Variants in MGST2 observed in about 807,000 individuals in gnomAD.
MGST2 encodes the protein glutathione peroxidase MGST2.
MGST2 carries 9 observed loss-of-function variants against 16.6 expected under a neutral mutation model. The observed-to-expected ratio is 0.54, with a 90% confidence interval of 0.33 to 0.95. The LOEUF is 0.95. Ranked by LOEUF, MGST2 falls within the 40% of genes least tolerant of loss-of-function variation. The probability of loss-of-function intolerance (pLI) is 0.03; values close to 1 mark genes in which losing one functional copy is unlikely to be tolerated. For missense variants in MGST2, 159 were observed against 175.1 expected, an observed-to-expected ratio of 0.91 and a Z score of 0.52; for synonymous variants, 79 against 68.0, an observed-to-expected ratio of 1.16 and a Z score of -0.79.
At position 139,667,411 on chromosome 4, in the gene MGST2, A is replaced by G. The variant is rs8192015; in HGVS notation, c.58+1334A>G. On this transcript the variant is annotated intron_variant, in intron 1 of 4. Coordinates refer to ENST00000265498, the MANE Select transcript of MGST2 (RefSeq NM_002413.5). ...GGTCCACAGATGTCCCAAAGCTGAC[A>G]GAGGTGCTCATCCTCCCTGTTTGCT... Among the ~76,000 whole-genome samples, 480 of 143,636 alleles carry G rather than the reference A, an allele frequency of 3.3e-3. 15 individuals carry two copies. The East Asian group carries it at 0.089, about 27-fold the overall frequency. The allele number at this position is 143,636 out of a possible 152,430, so 94.2% of individuals were successfully genotyped here. A position where few individuals can be genotyped will look rare whatever the true frequency, so the allele number is the denominator to read the frequency against.
downstream of MGST2, among the ~76,000 whole-genome samples, chr4:139,745,628 T>C (rs994805736): frequency 2.0e-5 from 3 of 152,224 alleles, no homozygotes; most frequent in African/African-American, 7.2e-5. Context: ...TCTATTATTG[T>C]GCTCTGCCCA....
intron 3 of MGST2, chr4:139,698,387 C>A (rs1052491084): frequency 1.2e-5 from 19 of 1,599,792 alleles, no homozygotes; most frequent in Non-Finnish European, 1.5e-5. Flanking sequence ...CAGTGGACTT[C>A]TGATAACGTC....
intron 5 of MGST2, among the ~76,000 whole-genome samples, chr4:139,714,775 GC>G (rs35836013): frequency 0.061 from 9,259 of 152,132 alleles, 393 homozygotes; most frequent in East Asian, 0.098. Context: ...GATCAGGGAG[GC>G]CAGAGAAAGA....
At chr4:139,694,817 A>G (rs1377469306) in intron 2 of MGST2, among the ~76,000 whole-genome samples, 1 of 152,240 alleles carries the variant, frequency 6.6e-6, no homozygotes, top group Non-Finnish European at 1.5e-5. Flanking sequence ...TGTTCTGGGT[A>G]ACTCAAGTGG....
intron 2 of MGST2, among the ~76,000 whole-genome samples, chr4:139,684,712 T>C (rs969327032): frequency 1.2e-3 from 185 of 152,264 alleles, no homozygotes; most frequent in East Asian, 3.9e-4. Flanking sequence ...GGGGTGGAGA[T>C]AGGATAATAG....
At chr4:139,747,872 A>C in the MGST2 span, among the ~76,000 whole-genome samples, 1 of 150,676 alleles carries the variant, frequency 6.6e-6, no homozygotes, top group African/African-American at 2.4e-5. Flanking sequence ...TGATCGATAC[A>C]GTGAAACCCC....
chr4:139,737,051 C>T (rs1205959160), intron 5 of MGST2, among the ~76,000 whole-genome samples: 3 of 152,282 alleles, frequency 2.0e-5, no homozygotes, highest in African/African-American at 7.2e-5. Flanking sequence ...CCAGTTGCAA[C>T]TGTGCTGTGG....
At chr4:139,707,048 T>C (rs1167509512), downstream of MGST2, among the ~76,000 whole-genome samples, 1 of 152,090 alleles carries the variant, frequency 6.6e-6, no homozygotes, top group Non-Finnish European at 1.5e-5. Context: ...AATTTTTTTA[T>C]TTTTATTTTA....
At chr4:139,692,495 C>T (rs111598005) in intron 2 of MGST2, among the ~76,000 whole-genome samples, 3 of 152,324 alleles carry the variant, frequency 2.0e-5, no homozygotes, top group African/African-American at 7.2e-5. Context: ...TGCCTTCCAC[C>T]ACCACCAGGA....
At chr4:139,719,156 G>A (rs1021618737) in intron 5 of MGST2, 117 of 707,356 alleles carry the variant, frequency 1.7e-4, no homozygotes, top group Admixed American at 6.8e-4. Flanking sequence ...AATGAGGCCT[G>A]GTGGGGCTGT....
chr4:139,718,475 G>A (rs1728083925), intron 5 of MGST2: 1 of 152,312 alleles, frequency 6.6e-6, no homozygotes, highest in Non-Finnish European at 1.5e-5. Context: ...TCCAGTAGGG[G>A]TTTCCCTGCC....
chr4:139,729,180 G>C (rs900098867), intron 5 of MGST2, among the ~76,000 whole-genome samples: 2 of 140,224 alleles, frequency 1.4e-5, no homozygotes, highest in African/African-American at 5.4e-5. Flanking sequence ...AAAAAAAAAA[G>C]GGAACATAAG....
At chr4:139,680,316 T>C (rs908689755) in intron 2 of MGST2, among the ~76,000 whole-genome samples, 4 of 152,228 alleles carry the variant, frequency 2.6e-5, no homozygotes, top group African/African-American at 4.8e-5. Context: ...CAATTTTTTT[T>C]CCCTAGGGTT....
rs527938804 is a variant in MGST2 at position 139,702,303 on chromosome 4, A to G, written c.230-1152A>G. Reference sequence around the variant, plus strand: ...CTCTATCAAGATCTAGAACATGACAACCACCCAGAAAGTGTCCTCCTGCTT... The same window carrying G: ...CTCTATCAAGATCTAGAACATGACAGCCACCCAGAAAGTGTCCTCCTGCTT... On this transcript the variant is annotated intron_variant, in intron 3 of 4. Coordinates refer to ENST00000265498, the MANE Select transcript of MGST2 (RefSeq NM_002413.5). Among the ~76,000 whole-genome samples the G allele has an allele frequency of 2.6e-5, 4 of 152,242 alleles. No individual in the cohort carries two copies. In the South Asian group the frequency reaches 6.2e-4, roughly 24 times the overall value.
chr4:139,717,805 A>T (rs1038272995), intron 5 of MGST2: 1 of 152,358 alleles, frequency 6.6e-6, no homozygotes, highest in Non-Finnish European at 1.5e-5. Context: ...ACTTAGGACG[A>T]CACCGAAGCC....
intron 5 of MGST2, among the ~76,000 whole-genome samples, chr4:139,739,010 C>T (rs1274087544): frequency 1.3e-5 from 2 of 152,190 alleles, no homozygotes; most frequent in Non-Finnish European, 2.9e-5. Context: ...TGGCATCCTT[C>T]CTGGCAAGGC....
chr4:139,682,613 A>C (rs1016866038), intron 2 of MGST2, among the ~76,000 whole-genome samples: 7 of 152,316 alleles, frequency 4.6e-5, no homozygotes, highest in African/African-American at 1.7e-4. Context: ...ACAGGGTTTT[A>C]AGCAAAAGAG....
At chr4:139,716,849 TA>T (rs1221848454) in intron 5 of MGST2, 1 of 152,570 alleles carries the variant, frequency 6.6e-6, no homozygotes, top group Non-Finnish European at 1.5e-5. Context: ...GTACATTTCT[TA>T]AAAGGAAATA....
intron 5 of MGST2, among the ~76,000 whole-genome samples, chr4:139,737,626 G>A (rs1331814686): frequency 6.6e-6 from 1 of 152,152 alleles, no homozygotes; most frequent in Non-Finnish European, 1.5e-5. Context: ...GACATTTAAA[G>A]AAAGGGCATA....
Sources: gnomAD v4.1 joint callset for allele counts (sites outside exome capture counted in the v4.1 genomes callset) on GRCh38, gnomAD v4.1.1 for gene constraint, MANE v1.5 for transcripts, NCBI Gene and HGNC (gene_info 2026-07-23, HGNC 2026-07-21) for gene names.